Variants in WDR12 observed in about 807,000 individuals in gnomAD.
WDR12 encodes the protein WD repeat domain 12.
WDR12 carries 42 observed loss-of-function variants against 64.3 expected under a neutral mutation model. That is an observed-to-expected ratio of 0.65 (90% confidence interval 0.51 to 0.84). The LOEUF (loss-of-function observed/expected upper bound fraction) is 0.84, where lower values mean the gene tolerates loss of function less well. Among genes scored for constraint, WDR12 ranks in the 40% least tolerant of loss-of-function variants. WDR12 has a pLI of 0.00. For missense variants in WDR12, 469 were observed against 494.6 expected, an observed-to-expected ratio of 0.95 and a Z score of 0.49; for synonymous variants, 158 against 173.3, an observed-to-expected ratio of 0.91 and a Z score of 0.70.
Position 202,874,478 on chromosome 2 carries a change from G to A in WDR12, c.*6382C>T, listed in dbSNP as rs1324414635. On this transcript the variant is annotated 3_prime_UTR_variant, in exon 13 of 13. Coordinates refer to ENST00000261015, the MANE Select transcript of WDR12 (RefSeq NM_018256.4). ...AGTCTTAGTTTCTTTAAAGACTAATGGTCTTCACTTTTGTTTTTGTGCAAA... is the reference window on the plus strand; with the variant it reads ...AGTCTTAGTTTCTTTAAAGACTAATAGTCTTCACTTTTGTTTTTGTGCAAA... Among the ~76,000 whole-genome samples the A allele has an allele frequency of 6.6e-6, 1 of 152,044 alleles. No individual in the cohort carries two copies. The highest frequency in any genetic ancestry group is 2.4e-5 in the African/African-American group (1 of 41,420).
At position 202,879,175 on chromosome 2, in the gene WDR12, C is replaced by A. The variant is rs1687909430; in HGVS notation, c.*1685G>T. The A allele has an allele frequency of 6.6e-6, 1 of 151,786 alleles. No homozygotes were observed. The highest frequency in any genetic ancestry group is 6.6e-5 in the Admixed American group (1 of 15,250). 9.4% of individuals were successfully genotyped at this position (151,786 alleles called of 1,614,324 possible). A position where few individuals can be genotyped will look rare whatever the true frequency, so the allele number is the denominator to read the frequency against. On this transcript the variant is annotated 3_prime_UTR_variant, in exon 13 of 13. Coordinates refer to ENST00000261015, the MANE Select transcript of WDR12 (RefSeq NM_018256.4). ...CCTCCGGAGTAGCTGGGACTACAGGCACATGCTGCCACGCCCAGCTAATTT... is the reference window on the plus strand; with the variant it reads ...CCTCCGGAGTAGCTGGGACTACAGGAACATGCTGCCACGCCCAGCTAATTT...
In WDR12 at chr2:202,879,204, G is replaced by A. The variant is rs1030458730; in HGVS notation, c.*1656C>T. ...TGCTGCCACGCCCAGCTAATTTTTT[G>A]TATTTTATTAGAGACGAGGTTTCAC... On this transcript the variant is annotated 3_prime_UTR_variant, in exon 13 of 13. Transcript: ENST00000261015. The A allele has an allele frequency of 6.6e-6, 1 of 151,754 alleles. No individual in the cohort carries two copies. The highest frequency in any genetic ancestry group is 2.4e-5 in the African/African-American group (1 of 41,268). 9.4% of individuals were successfully genotyped at this position (151,754 alleles called of 1,614,324 possible). A position where few individuals can be genotyped will look rare whatever the true frequency, so the allele number is the denominator to read the frequency against.
Position 202,901,857 on chromosome 2 carries a change from T to G in WDR12, c.137-738A>C, listed in dbSNP as rs567172990. 5.2e-4 allele frequency among the ~76,000 whole-genome samples: 79 copies of G among 151,922 alleles called. No homozygotes were observed. The South Asian group carries it at 7.5e-3, about 14-fold the overall frequency. On this transcript the variant is annotated intron_variant, in intron 2 of 12. Coordinates refer to ENST00000261015, the MANE Select transcript of WDR12 (RefSeq NM_018256.4). ...TGGTTAGATTTCAGGGTTTTTTGGG[T>G]TTTTTTTGACAAGAATATTCACAGG...
chr2:202,904,928 G>A (rs891981324), intron 2 of WDR12, among the ~76,000 whole-genome samples: 19 of 152,134 alleles, frequency 1.2e-4, no homozygotes, highest in African/African-American at 4.1e-4. Flanking sequence ...CATCTGACAA[G>A]GGATTAATAA....
chr2:202,900,449 T>C (rs562103785), intron 3 of WDR12, among the ~76,000 whole-genome samples: 1 of 152,316 alleles, frequency 6.6e-6, no homozygotes, highest in African/African-American at 2.4e-5. Flanking sequence ...ATGGTGATGG[T>C]TGCATAATAC....
rs758556155 is a variant in WDR12, at chr2:202,884,530, G to T, written c.747C>A (p.Pro249=). The T allele has an allele frequency of 7.5e-6, 12 of 1,606,122 alleles. No homozygotes were observed. The highest frequency in any genetic ancestry group is 1.3e-5 in the African/African-American group (1 of 74,316). The change falls in exon 9 of 13, where the codon CCC becomes CCA. Residue 249 remains proline (P), a synonymous_variant. Transcript: ENST00000261015. The part of the protein sequence containing the change: ...KTEQLGLTRT[P]IVTLSGHMEA... ...CCATGTGGCCAGAGAGGGTCACTAT[G>T]GGAGTCTAGAAAGGAAGAACCCCAA...
At chr2:202,905,484 G>A (rs1402855471) in intron 2 of WDR12, among the ~76,000 whole-genome samples, 2 of 152,202 alleles carry the variant, frequency 1.3e-5, no homozygotes, top group African/African-American at 4.8e-5. Context: ...AAAAATGCTG[G>A]TGAGGATATG....
chr2:202,882,848 CACTTAT>C lies in WDR12; in HGVS notation c.1122-71_1122-66del, dbSNP rs1174078944. On this transcript the variant is annotated intron_variant, in intron 11 of 12. Coordinates refer to ENST00000261015, the MANE Select transcript of WDR12 (RefSeq NM_018256.4). ...GTGTTAAAACAAACATTTGAATAAT[CACTTAT>C]ACTTATCTGAAAACTTTACAGGGTT... The C allele has an allele frequency of 5.3e-6, 8 of 1,511,742 alleles. No individual in the cohort carries two copies. In the African/African-American group the frequency reaches 6.9e-5, roughly 13 times the overall value. 93.6% of individuals were successfully genotyped at this position (1,511,742 alleles called of 1,614,324 possible).
chr2:202,884,511 G>A lies in WDR12; in HGVS notation c.766C>T (p.His256Tyr). 6.2e-7 allele frequency: 1 copy of A among 1,613,842 alleles called. No homozygotes were observed. The highest frequency in any genetic ancestry group is 8.5e-7 in the Non-Finnish European group (1 of 1,179,960). The change falls in exon 9 of 13, where the codon CAC becomes TAC. Residue 256 changes from histidine to tyrosine, a missense_variant. His to Tyr is a moderately conservative substitution (Grantham distance 83). Coordinates refer to ENST00000261015, the MANE Select transcript of WDR12 (RefSeq NM_018256.4). ...TRTPIVTLSG[H>Y]MEAVSSVLWS... ...AGAACTGAGGAAACTGCCTCCATGTGGCCAGAGAGGGTCACTATGGGAGTC... is the reference window on the plus strand; with the variant it reads ...AGAACTGAGGAAACTGCCTCCATGTAGCCAGAGAGGGTCACTATGGGAGTC...
At position 202,880,763 on chromosome 2, in the gene WDR12, A is replaced by T. The variant is rs1687934221; in HGVS notation, c.*97T>A. 9.5e-7 allele frequency: 1 copy of T among 1,055,026 alleles called. No individual in the cohort carries two copies. The highest frequency in any genetic ancestry group is 1.6e-5 in the African/African-American group (1 of 61,876). The allele number at this position is 1,055,026 out of a possible 1,614,324, so 65.4% of individuals were successfully genotyped here. On this transcript the variant is annotated 3_prime_UTR_variant, in exon 13 of 13. Transcript: ENST00000261015. ...AGGGTGAAAACATTATATAAACTTC[A>T]AAAGGCTGCTTTCTGCATCTGCATC... is the stretch of plus-strand genomic sequence containing the variant.
chr2:202,884,327 T>C, intron 9 of WDR12, 24 bp from the exon 10 acceptor site: 1 of 1,613,100 alleles, frequency 6.2e-7, no homozygotes. Context: ...GGAAAGAACA[T>C]TAACCATGGT....
intron 2 of WDR12, among the ~76,000 whole-genome samples, chr2:202,902,067 T>C (rs1428437265): frequency 1.3e-5 from 2 of 152,230 alleles, no homozygotes; most frequent in Non-Finnish European, 2.9e-5. Flanking sequence ...ACCAATACTG[T>C]ACTTACATTC....
In WDR12 at chr2:202,880,948, G is replaced by A. The variant is rs372240839; in HGVS notation, c.1195-11C>T. On this transcript the variant is annotated splice_polypyrimidine_tract_variant and intron_variant, in intron 12 of 12. Transcript: ENST00000261015. Reference sequence around the variant, plus strand: ...TCCACTCAGAAGTAGCTGTGTAAAAGGAGAGAAAAAGACAAGAAAACATAA... The same window carrying A: ...TCCACTCAGAAGTAGCTGTGTAAAAAGAGAGAAAAAGACAAGAAAACATAA... 3.1e-6 allele frequency: 5 copies of A among 1,591,986 alleles called. No homozygotes were observed. Among genetic ancestry groups the A allele is most frequent in the South Asian group, 1.2e-5 (1 of 85,756 alleles).
At chr2:202,896,592 G>A (rs1173546146) in intron 5 of WDR12, among the ~76,000 whole-genome samples, 1 of 152,222 alleles carries the variant, frequency 6.6e-6, no homozygotes, top group Non-Finnish European at 1.5e-5. Flanking sequence ...TCAGGAGGCT[G>A]AGGCAGGAGA....
At chr2:202,880,996 A>C (rs1240150967) in intron 12 of WDR12, 59 bp from the exon 13 acceptor site, 10 of 1,399,454 alleles carry the variant, frequency 7.1e-6, no homozygotes, top group Non-Finnish European at 9.8e-6. Flanking sequence ...ATTTCACATC[A>C]TAGCTAAACC....
rs1011147747 is a variant in WDR12, at chr2:202,896,432, G to A, written c.455-213C>T. Among the ~76,000 whole-genome samples, 4 of 150,510 alleles carry A rather than the reference G, an allele frequency of 2.7e-5. No homozygotes were observed. The South Asian group carries it at 6.2e-4, about 23-fold the overall frequency. ...TGACTGGGTGTGGTGGCTCACGCCTGTAAATACTGACATTTTGGGAGGCCA... is the reference window on the plus strand; with the variant it reads ...TGACTGGGTGTGGTGGCTCACGCCTATAAATACTGACATTTTGGGAGGCCA... On this transcript the variant is annotated intron_variant, in intron 5 of 12. Transcript: ENST00000261015.
intron 4 of WDR12, among the ~76,000 whole-genome samples, chr2:202,897,911 AT>A (rs1688280034): frequency 8.6e-6 from 1 of 116,668 alleles, no homozygotes; most frequent in Non-Finnish European, 1.8e-5. Context: ...AAAAAAAAAT[AT>A]ATATATATAT....
chr2:202,894,490 G>A, intron 7 of WDR12, 91 bp downstream of exon 7: 1 of 1,136,642 alleles, frequency 8.8e-7, no homozygotes, highest in Admixed American at 2.7e-5. Context: ...CTGAAGTGCT[G>A]AGATTATAGG....
At chr2:202,896,026 C>A in intron 6 of WDR12, 39 bp downstream of exon 6, 1 of 1,585,680 alleles carries the variant, frequency 6.3e-7, no homozygotes. Flanking sequence ...AGCTCAAATT[C>A]AAATTTAACA....
Sources: allele counts gnomAD v4.1 joint callset (sites outside exome capture counted in the v4.1 genomes callset), GRCh38; gene constraint gnomAD v4.1.1; transcripts MANE v1.5; gene names NCBI Gene and HGNC (gene_info 2026-07-23, HGNC 2026-07-21).